PCDHGB7: variants seen among roughly 807,000 people sequenced by gnomAD.
The protein encoded by PCDHGB7 is protocadherin gamma subfamily B, 7.
Under a neutral mutation model 61.4 loss-of-function variants are expected in PCDHGB7, and 37 were observed. The observed-to-expected ratio is 0.60, with a 90% CI of 0.46 to 0.79. The LOEUF (loss-of-function observed/expected upper bound fraction) is 0.79, where lower values mean the gene tolerates loss of function less well. Ranked by LOEUF, PCDHGB7 falls within the 30% of genes least tolerant of loss-of-function variation. The pLI, the probability that PCDHGB7 is intolerant of heterozygous loss-of-function variation, is 0.00. For missense variants in PCDHGB7, 1,166 were observed against 1,202.5 expected (o/e 0.97, Z 0.45); for synonymous variants, 464 against 503.5 (o/e 0.92, Z 1.05).
chr5:141,480,951 G>A (rs924500955), intron 1 of PCDHGB7, among the ~76,000 whole-genome samples: 4 of 152,038 alleles, frequency 2.6e-5, no homozygotes, highest in Non-Finnish European at 2.9e-5. Flanking sequence ...AGGCTGAGGC[G>A]GAAGCATCAG....
chr5:141,480,837 G>T (rs1435750544), intron 1 of PCDHGB7, among the ~76,000 whole-genome samples: 2 of 152,168 alleles, frequency 1.3e-5, no homozygotes, highest in African/African-American at 4.8e-5. Flanking sequence ...ATAAGATCAG[G>T]AGTTTGAGAC....
intron 1 of PCDHGB7, among the ~76,000 whole-genome samples, chr5:141,451,387 T>C (rs1039738460): frequency 6.6e-6 from 1 of 152,116 alleles, no homozygotes; most frequent in African/African-American, 2.4e-5. Flanking sequence ...TCTCACATAG[T>C]TAATGGCAAA....
chr5:141,498,807 C>T (rs113587634), intron 2 of PCDHGB7, among the ~76,000 whole-genome samples: 5,552 of 152,138 alleles, frequency 0.036, 136 homozygotes, highest in South Asian at 0.073. Context: ...GTGGTGCACA[C>T]CTGTAGTCCC....
chr5:141,428,169 G>A (rs758370904), intron 1 of PCDHGB7: 1 of 1,540,076 alleles, frequency 6.5e-7, no homozygotes, highest in Non-Finnish European at 8.9e-7. Flanking sequence ...GTTGCTGTGC[G>A]TGACGGAGGA....
chr5:141,431,685 A>C lies in PCDHGB7; in HGVS notation c.2415+11411A>C. The C allele has an allele frequency of 6.2e-7, 1 of 1,614,246 alleles. No homozygotes were observed. Among genetic ancestry groups the C allele is most frequent in the East Asian group, 2.2e-5 (1 of 44,876 alleles). ...ATATCAACAATAGGGGAGTTGGACCACGAGGAGTCAGGATTCTACCAGATG... is the reference window on the plus strand; with the variant it reads ...ATATCAACAATAGGGGAGTTGGACCCCGAGGAGTCAGGATTCTACCAGATG... On this transcript the variant is annotated intron_variant, in intron 1 of 3. Transcript: ENST00000398594. This position sits in a 1 kb window ranked among gnomAD's most constrained non-coding sequence, Gnocchi z 4.8.
At chr5:141,497,499 C>G (rs1217418941) in intron 2 of PCDHGB7, among the ~76,000 whole-genome samples, 3 of 151,416 alleles carry the variant, frequency 2.0e-5, no homozygotes, top group Non-Finnish European at 4.4e-5. Context: ...TCTCTCTCCT[C>G]TCTCTGCTTC....
At position 141,489,108 on chromosome 5, in the gene PCDHGB7, A is replaced by C; in HGVS notation, c.2416-5699A>C. The C allele has an allele frequency of 2.0e-6, 1 of 489,086 alleles. No individual in the cohort carries two copies. The highest frequency in any genetic ancestry group is 3.5e-6 in the Non-Finnish European group (1 of 287,626). 30.3% of individuals were successfully genotyped at this position (489,086 alleles called of 1,614,324 possible). On this transcript the variant is annotated intron_variant, in intron 1 of 3. Transcript: ENST00000398594. This position sits in a 1 kb window ranked among gnomAD's most constrained non-coding sequence, Gnocchi z 4.5. The stretch of plus-strand genomic sequence containing the variant: ...TCGGTGACTAAGAACTGCTGCAAGC[A>C]GGCAAACCTCCGAGCAGTTTTTAAG...
Position 141,485,605 on chromosome 5 carries a change from G to A in PCDHGB7, c.2416-9202G>A. On this transcript the variant is annotated intron_variant, in intron 1 of 3. Transcript: ENST00000398594. This position sits in a 1 kb window ranked among gnomAD's most constrained non-coding sequence, Gnocchi z 5.7. The stretch of plus-strand genomic sequence containing the variant: ...AGCAGCTGGACTTGGAAATTGGGGA[G>A]GCAGCTCCTCCAGGACAGCGTTTCC... 6.2e-7 allele frequency: 1 copy of A among 1,612,448 alleles called. No homozygotes were observed. Among genetic ancestry groups the A allele is most frequent in the Non-Finnish European group, 8.5e-7 (1 of 1,178,750 alleles).
Position 141,491,215 on chromosome 5 carries a change from A to G in PCDHGB7, c.2416-3592A>G, listed in dbSNP as rs546893944. 2.5e-6 allele frequency: 4 copies of G among 1,614,196 alleles called. No individual in the cohort carries two copies. Among genetic ancestry groups the G allele is most frequent in the Non-Finnish European group, 3.4e-6 (4 of 1,180,036 alleles). On this transcript the variant is annotated intron_variant, in intron 1 of 3. Coordinates refer to ENST00000398594, the MANE Select transcript of PCDHGB7 (RefSeq NM_018927.4). This position sits in a 1 kb window ranked among gnomAD's most constrained non-coding sequence, Gnocchi z 6.9. ...CAATGGTGACCCTTCACTCTCCTCC[A>G]CAGCCACAGTGCTGCTGGTTCTGGA...
At position 141,491,672 on chromosome 5, in the gene PCDHGB7, G is replaced by A. The variant is rs754836157; in HGVS notation, c.2416-3135G>A. The A allele has an allele frequency of 9.9e-6, 16 of 1,613,494 alleles. No homozygotes were observed. The South Asian group carries it at 1.4e-4, about 14-fold the overall frequency. On this transcript the variant is annotated intron_variant, in intron 1 of 3. Transcript: ENST00000398594. This position sits in a 1 kb window ranked among gnomAD's most constrained non-coding sequence, Gnocchi z 6.9. ...CTGGAGCCTGACGCCATCCGGTCCCGCTCTAATACGCTGCGGGAGCGGAGC... is the reference window on the plus strand; with the variant it reads ...CTGGAGCCTGACGCCATCCGGTCCCACTCTAATACGCTGCGGGAGCGGAGC...
intron 1 of PCDHGB7, among the ~76,000 whole-genome samples, chr5:141,462,223 G>A (rs563764515): frequency 2.0e-5 from 3 of 152,144 alleles, no homozygotes; most frequent in Admixed American, 2.0e-4. Flanking sequence ...GCCTCCCAAA[G>A]TGCAGGGATT....
intron 1 of PCDHGB7, chr5:141,422,639 C>T (rs777330051): frequency 3.7e-6 from 6 of 1,612,780 alleles, no homozygotes; most frequent in South Asian, 2.2e-5. Flanking sequence ...AGGGGTGCCT[C>T]CATCTTCTCA....
Position 141,489,640 on chromosome 5 carries a change from G to A in PCDHGB7, c.2416-5167G>A. The A allele has an allele frequency of 1.2e-6, 2 of 1,614,146 alleles. No individual in the cohort carries two copies. Among genetic ancestry groups the A allele is most frequent in the Non-Finnish European group, 1.7e-6 (2 of 1,180,010 alleles). Reference sequence around the variant, plus strand: ...TCTCAATGACAACTCTCCTAGCTTTGCCACCCCTGAGCGAGAGATGCGCAT... The same window carrying A: ...TCTCAATGACAACTCTCCTAGCTTTACCACCCCTGAGCGAGAGATGCGCAT... On this transcript the variant is annotated intron_variant, in intron 1 of 3. Transcript: ENST00000398594. The surrounding 1 kb of genome is among the most constrained non-coding windows in gnomAD (Gnocchi z 4.5).
chr5:141,491,802 G>C lies in PCDHGB7; in HGVS notation c.2416-3005G>C, dbSNP rs759587995. 1 of 1,497,480 alleles carries C rather than the reference G, an allele frequency of 6.7e-7. No homozygotes were observed. The highest frequency in any genetic ancestry group is 1.3e-5 in the South Asian group (1 of 74,938). The allele number at this position is 1,497,480 out of a possible 1,614,324, so 92.8% of individuals were successfully genotyped here. A position where few individuals can be genotyped will look rare whatever the true frequency, so the allele number is the denominator to read the frequency against. On this transcript the variant is annotated intron_variant, in intron 1 of 3. Coordinates refer to ENST00000398594, the MANE Select transcript of PCDHGB7 (RefSeq NM_018927.4). The surrounding 1 kb of genome is among the most constrained non-coding windows in gnomAD (Gnocchi z 6.9). ...ACTTGCATCCACTCCTCTCCGGCCG[G>C]CTTGGTCGCTGGCTGCGCTCCACCC...
intron 2 of PCDHGB7, among the ~76,000 whole-genome samples, chr5:141,504,621 T>A (rs1185981312): frequency 7.9e-6 from 1 of 126,856 alleles, no homozygotes; most frequent in Non-Finnish European, 1.6e-5. Flanking sequence ...GATAGGAAAG[T>A]GCACCTTGGA....
Position 141,511,703 on chromosome 5 carries a change from T to G in PCDHGB7, c.*530T>G, listed in dbSNP as rs148447880. On this transcript the variant is annotated 3_prime_UTR_variant, in exon 4 of 4. Coordinates refer to ENST00000398594, the MANE Select transcript of PCDHGB7 (RefSeq NM_018927.4). ...AAAGCATGGTTTGGTGCCAGCCCCT[T>G]CACCTCCTTCCAGAGCCCAAGATCA... The G allele has an allele frequency of 1.1e-4, 21 of 189,942 alleles. No homozygotes were observed. In the East Asian group the frequency reaches 2.4e-3, roughly 22 times the overall value. 11.8% of individuals were successfully genotyped at this position (189,942 alleles called of 1,614,324 possible).
Position 141,417,759 on chromosome 5 carries a change from C to T in PCDHGB7, c.-101C>T. On this transcript the variant is annotated 5_prime_UTR_variant, in exon 1 of 4. Transcript: ENST00000398594. ...GCACACCAGATTGCCAGCTCCGAGA[C>T]CCGGGACTCCTCCTGTCCTGGGCCG... 7.0e-7 allele frequency: 1 copy of T among 1,437,100 alleles called. No homozygotes were observed. Among genetic ancestry groups the T allele is most frequent in the South Asian group, 1.5e-5 (1 of 67,708 alleles). The allele number at this position is 1,437,100 out of a possible 1,614,324, so 89.0% of individuals were successfully genotyped here. A position where few individuals can be genotyped will look rare whatever the true frequency, so the allele number is the denominator to read the frequency against.
In PCDHGB7 at chr5:141,420,234, T is replaced by G. The variant is rs766733064; in HGVS notation, c.2375T>G (p.Leu792Ter). Residue 792 changes from leucine (L) to a stop codon, truncating the protein, a stop_gained, in exon 1 of 4, where the codon TTA becomes TGA. Transcript: ENST00000398594. LOFTEE classifies it high-confidence loss of function. ...NKDSMLLASI[L>*]TPSVEADKKI... ...GATAGCATGCTACTGGCTAGCATTT[T>G]AACTCCCAGCGTTGAAGCAGATAAG... 6.2e-7 allele frequency: 1 copy of G among 1,600,030 alleles called. No homozygotes were observed. The highest frequency in any genetic ancestry group is 8.5e-7 in the Non-Finnish European group (1 of 1,171,444).
Position 141,453,588 on chromosome 5 carries a change from CTG to C in PCDHGB7, c.2415+33318_2415+33319del, listed in dbSNP as rs572244169. ...TTCATTAGTTTGTGGTTTATCCTCA[CTG>C]TGTTTCTTTTTGCAAAACGCAAAAA... On this transcript the variant is annotated intron_variant, in intron 1 of 3. Coordinates refer to ENST00000398594, the MANE Select transcript of PCDHGB7 (RefSeq NM_018927.4). Among the ~76,000 whole-genome samples the C allele has an allele frequency of 5.9e-5, 9 of 152,296 alleles. No individual in the cohort carries two copies. In the South Asian group the frequency reaches 1.5e-3, roughly 25 times the overall value.
Sources: gnomAD v4.1 joint callset for allele counts (sites outside exome capture counted in the v4.1 genomes callset) on GRCh38, gnomAD v4.1.1 for gene constraint, Gnocchi (gnomAD v3.1) non-coding constraint, MANE v1.5 for transcripts, NCBI Gene and HGNC (gene_info 2026-07-23, HGNC 2026-07-21) for gene names.